Variants in OPCML observed in about 807,000 individuals in gnomAD.
OPCML encodes opioid binding protein/cell adhesion molecule like, also known as opioid-binding protein/cell adhesion molecule.
A neutral mutation model predicts 37.8 loss-of-function variants in OPCML; 13 were observed. That is an observed-to-expected ratio of 0.34 (90% CI 0.22 to 0.55). The LOEUF (loss-of-function observed/expected upper bound fraction) is 0.55, where lower values mean the gene tolerates loss of function less well. Among genes scored for constraint, OPCML ranks in the 20% least tolerant of loss-of-function variants. The pLI, the probability that OPCML is intolerant of heterozygous loss-of-function variation, is 0.91. For missense variants in OPCML, 341 were observed against 435.6 expected, an observed-to-expected ratio of 0.78 and a Z score of 1.93; for synonymous variants, 176 against 168.8, an observed-to-expected ratio of 1.04 and a Z score of -0.33.
chr11:132,431,388 G>A (rs764547931), intron 7 of OPCML, among the ~76,000 whole-genome samples: 1 of 152,198 alleles, frequency 6.6e-6, no homozygotes, highest in Non-Finnish European at 1.5e-5. Flanking sequence ...CTTGCTGCTG[G>A]CGTTGACCGC....
At chr11:132,858,671 T>C (rs977836431) in intron 2 of OPCML, among the ~76,000 whole-genome samples, 11 of 151,864 alleles carry the variant, frequency 7.2e-5, no homozygotes, top group South Asian at 2.1e-4. Context: ...TCTTTCTGAG[T>C]GTCATTTTCT....
At chr11:133,043,302 T>C (rs544896212) in intron 1 of OPCML, among the ~76,000 whole-genome samples, 35 of 152,294 alleles carry the variant, frequency 2.3e-4, no homozygotes, top group African/African-American at 7.7e-4. Flanking sequence ...TCCTCTGGAA[T>C]TGATCGTGAG....
intron 1 of OPCML, among the ~76,000 whole-genome samples, chr11:133,383,040 T>G (rs1944965599): frequency 6.6e-6 from 1 of 152,044 alleles, no homozygotes; most frequent in East Asian, 1.9e-4. Context: ...TGGCCACCTT[T>G]TTTTCCCCAA....
At chr11:132,556,327 T>G (rs1190547181) in intron 3 of OPCML, among the ~76,000 whole-genome samples, 1 of 152,208 alleles carries the variant, frequency 6.6e-6, no homozygotes, top group Non-Finnish European at 1.5e-5. Flanking sequence ...AATAGGGGTC[T>G]ATCTTACTTG....
chr11:132,717,877 G>A (rs948427481), intron 2 of OPCML, among the ~76,000 whole-genome samples: 1 of 152,192 alleles, frequency 6.6e-6, no homozygotes, highest in Admixed American at 6.5e-5. Context: ...GTGTATGGAG[G>A]CAAGGACAGC....
At chr11:132,856,973 C>T (rs1942080807) in intron 2 of OPCML, among the ~76,000 whole-genome samples, 2 of 152,196 alleles carry the variant, frequency 1.3e-5, no homozygotes, top group Admixed American at 1.3e-4. Flanking sequence ...TAAAACTTGC[C>T]TCAATCTCTC....
At chr11:132,788,379 G>A (rs1034023522) in intron 2 of OPCML, among the ~76,000 whole-genome samples, 12 of 152,026 alleles carry the variant, frequency 7.9e-5, no homozygotes, top group African/African-American at 2.4e-4. Context: ...CATCAATTCT[G>A]TCTCCCAAAT....
At position 133,109,572 on chromosome 11, in the gene OPCML, T is replaced by C. The variant is rs1292150189; in HGVS notation, c.62-166562A>G. On this transcript the variant is annotated intron_variant, in intron 1 of 7. Transcript: ENST00000524381. ...CTGAGCGCTGATGTGTGCATTTTTA[T>C]AGATCACTGATAGGTGCATTTTACA... Among the ~76,000 whole-genome samples the C allele has an allele frequency of 2.6e-5, 4 of 152,074 alleles. 1 individual carries two copies. Among genetic ancestry groups the C allele is most frequent in the South Asian group, 4.2e-4 (2 of 4,818 alleles).
intron 1 of OPCML, among the ~76,000 whole-genome samples, chr11:133,017,537 A>G (rs1947356908): frequency 6.6e-6 from 1 of 151,976 alleles, no homozygotes; most frequent in Non-Finnish European, 1.5e-5. Flanking sequence ...AGCTGGGATT[A>G]CAGGCATGCA....
intron 4 of OPCML, among the ~76,000 whole-genome samples, chr11:132,441,165 G>GTTTTTTGTTTTTTTTTTTTTTT (rs2096031891): frequency 2.8e-5 from 2 of 72,402 alleles, no homozygotes; most frequent in African/African-American, 2.2e-4. Flanking sequence ...GGACTTTTTT[G>GTTTTTTGTTTTTTTTTTTTTTT]TTTTTTTTTT....
intron 3 of OPCML, among the ~76,000 whole-genome samples, chr11:132,567,112 A>G (rs1467204930): frequency 6.6e-6 from 1 of 151,804 alleles, no homozygotes; most frequent in Non-Finnish European, 1.5e-5. Flanking sequence ...GAGCAGGAAC[A>G]TGAGTACAGT....
chr11:132,426,462 C>T (rs2095977915), intron 7 of OPCML, among the ~76,000 whole-genome samples: 1 of 152,018 alleles, frequency 6.6e-6, no homozygotes, highest in Admixed American at 6.6e-5. Flanking sequence ...TTTTTAGAGA[C>T]CGAGTCTCAC....
Position 132,469,924 on chromosome 11 carries a change from G to A in OPCML, c.506-32565C>T, listed in dbSNP as rs149896759. On this transcript the variant is annotated intron_variant, in intron 4 of 7. Transcript: ENST00000524381. ...TATGTGTCTGTATATGTGTGTATGTGTGTGGGGGGAGTGTGTGAGTGTGTG... is the reference window on the plus strand; with the variant it reads ...TATGTGTCTGTATATGTGTGTATGTATGTGGGGGGAGTGTGTGAGTGTGTG... 6.0e-3 allele frequency among the ~76,000 whole-genome samples: 881 copies of A among 147,626 alleles called. 11 individuals are homozygous for A. The highest frequency in any genetic ancestry group is 0.021 in the African/African-American group (826 of 39,848).
chr11:133,282,021 C>CAA (rs368245944), intron 1 of OPCML, among the ~76,000 whole-genome samples: 9 of 141,300 alleles, frequency 6.4e-5, no homozygotes, highest in East Asian at 2.2e-4. Context: ...ACAACAACAA[C>CAA]AACAAAAAAA....
chr11:132,968,204 G>A (rs1946256813), intron 1 of OPCML, among the ~76,000 whole-genome samples: 1 of 152,104 alleles, frequency 6.6e-6, no homozygotes, highest in South Asian at 2.1e-4. Context: ...CTGGTATATG[G>A]GAGAGTGGTT....
chr11:133,234,872 G>A (rs2136395646), intron 1 of OPCML, among the ~76,000 whole-genome samples: 1 of 152,314 alleles, frequency 6.6e-6, no homozygotes, highest in East Asian at 1.9e-4. Flanking sequence ...AAGCTCAGGA[G>A]TAATGATCAA....
chr11:133,037,534 T>C (rs1017972342), intron 1 of OPCML, among the ~76,000 whole-genome samples: 8 of 152,098 alleles, frequency 5.3e-5, no homozygotes, highest in African/African-American at 7.2e-5. Context: ...TAGACTGGAG[T>C]GTAAAGTGCA....
intron 2 of OPCML, among the ~76,000 whole-genome samples, chr11:132,843,895 A>C (rs140325918): frequency 1.5e-3 from 233 of 152,294 alleles, no homozygotes; most frequent in African/African-American, 5.4e-3. Flanking sequence ...CTGGGTTTCA[A>C]ATAAGTGGTT....
At position 133,439,503 on chromosome 11, in the gene OPCML, T is replaced by C. The variant is rs1032924707; in HGVS notation, c.61+92761A>G. ...TCTTTTTTGAGATGGAGTCTCACTC[T>C]GTCGCCCAGGCTGGAGTGCAGTGGC... is the stretch of plus-strand genomic sequence containing the variant. On this transcript the variant is annotated intron_variant, in intron 1 of 7. Transcript: ENST00000524381. 4.4e-6 allele frequency: 4 copies of C among 919,162 alleles called. No individual in the cohort carries two copies. In the East Asian group the frequency reaches 3.5e-4, roughly 81 times the overall value. 56.9% of individuals were successfully genotyped at this position (919,162 alleles called of 1,614,324 possible). A position where few individuals can be genotyped will look rare whatever the true frequency, so the allele number is the denominator to read the frequency against.
Sources: gnomAD v4.1 joint callset for allele counts (sites outside exome capture counted in the v4.1 genomes callset) on GRCh38, gnomAD v4.1.1 for gene constraint, MANE v1.5 for transcripts, NCBI Gene and HGNC (gene_info 2026-07-23, HGNC 2026-07-21) for gene names.